FHIT: variants seen among roughly 807,000 people sequenced by gnomAD.
The protein encoded by FHIT is fragile histidine triad diadenosine triphosphatase, also known as bis(5'-adenosyl)-triphosphatase.
A neutral mutation model predicts 17.9 loss-of-function variants in FHIT; 19 were observed. The ratio of observed to expected loss-of-function variants is 1.06; its 90% CI spans 0.74 to 1.56. FHIT has a LOEUF of 1.56. Ranked by LOEUF, FHIT falls within the 40% of genes most tolerant of loss-of-function variation. FHIT has a pLI of 0.00. For missense variants in FHIT, 248 were observed against 189.2 expected (o/e 1.31, Z -1.82); for synonymous variants, 81 against 69.7 (o/e 1.16, Z -0.81).
chr3:61,047,713 G>A lies in FHIT; in HGVS notation c.-163-5614C>T, dbSNP rs191741166. ...AAAAGAACAAAGCTGGAGCCATCAC[G>A]CTACCTGACTTCAAACTATACCACA... On this transcript the variant is annotated intron_variant, in intron 2 of 9. Coordinates refer to ENST00000492590, the MANE Select transcript of FHIT (RefSeq NM_002012.4). Among the ~76,000 whole-genome samples the A allele has an allele frequency of 9.5e-4, 144 of 152,204 alleles. 1 individual carries two copies. Among genetic ancestry groups the A allele is most frequent in the African/African-American group, 3.3e-3 (139 of 41,522 alleles).
chr3:61,043,467 G>A (rs560707289), intron 2 of FHIT, among the ~76,000 whole-genome samples: 1 of 152,208 alleles, frequency 6.6e-6, no homozygotes, highest in Non-Finnish European at 1.5e-5. Context: ...GGAAAACAAA[G>A]AGGCCCAGAA....
chr3:61,135,879 A>C (rs962739659), intron 2 of FHIT, among the ~76,000 whole-genome samples: 8 of 152,210 alleles, frequency 5.3e-5, no homozygotes, highest in Non-Finnish European at 1.2e-4. Flanking sequence ...CCAAAAGCAC[A>C]GAGCTAGTTG....
At chr3:61,062,557 G>A (rs547576098) in intron 2 of FHIT, among the ~76,000 whole-genome samples, 3 of 152,096 alleles carry the variant, frequency 2.0e-5, no homozygotes, top group Non-Finnish European at 2.9e-5. Flanking sequence ...AGAGTTTTTG[G>A]TATGGAAACT....
At chr3:61,207,015 G>C (rs1034090556) in intron 1 of FHIT, among the ~76,000 whole-genome samples, 1 of 152,160 alleles carries the variant, frequency 6.6e-6, no homozygotes, top group African/African-American at 2.4e-5. Flanking sequence ...TTTATTGAGA[G>C]TTTTTAGCAT....
At chr3:61,037,728 CAT>C (rs1434048732) in intron 3 of FHIT, among the ~76,000 whole-genome samples, 1 of 152,196 alleles carries the variant, frequency 6.6e-6, no homozygotes, top group Non-Finnish European at 1.5e-5. Flanking sequence ...TTCCCTCACT[CAT>C]GTGTGCATGT....
chr3:59,962,542 T>C (rs1707735934), intron 7 of FHIT, among the ~76,000 whole-genome samples: 1 of 152,224 alleles, frequency 6.6e-6, no homozygotes, highest in Non-Finnish European at 1.5e-5. Flanking sequence ...TTAGGAAAGA[T>C]AAATTATTAT....
chr3:60,384,955 T>C (rs1365617016), intron 5 of FHIT, among the ~76,000 whole-genome samples: 3 of 152,180 alleles, frequency 2.0e-5, no homozygotes, highest in Admixed American at 2.0e-4. Context: ...AATATGTTCA[T>C]TTTGTTCTAA....
At chr3:60,681,328 A>G (rs370176819) in intron 4 of FHIT, among the ~76,000 whole-genome samples, 3 of 152,154 alleles carry the variant, frequency 2.0e-5, no homozygotes, top group Non-Finnish European at 2.9e-5. Context: ...TTATCAGTAA[A>G]TGTTTGTGTG....
intron 8 of FHIT, among the ~76,000 whole-genome samples, chr3:59,794,199 T>C (rs1185399255): frequency 1.3e-5 from 2 of 152,246 alleles, no homozygotes; most frequent in African/African-American, 2.4e-5. Context: ...GAACGTACCG[T>C]TGTCAGAACT....
chr3:60,002,962 C>T (rs948265080), intron 7 of FHIT, among the ~76,000 whole-genome samples: 2 of 151,970 alleles, frequency 1.3e-5, no homozygotes, highest in Non-Finnish European at 2.9e-5. Flanking sequence ...CTTCATGGGC[C>T]CCACCCTCAG....
intron 5 of FHIT, among the ~76,000 whole-genome samples, chr3:60,406,092 G>A (rs1701846613): frequency 6.6e-6 from 1 of 152,114 alleles, no homozygotes; most frequent in Admixed American, 6.5e-5. Context: ...TAATATGGAG[G>A]TATCAGGTAC....
intron 4 of FHIT, among the ~76,000 whole-genome samples, chr3:60,633,413 C>A (rs1553682935): frequency 6.6e-6 from 1 of 152,106 alleles, no homozygotes; most frequent in East Asian, 1.9e-4. Context: ...ACAGTAAACA[C>A]ACAATAAGTA....
At chr3:60,066,005 T>TA (rs1485914534) in intron 5 of FHIT, among the ~76,000 whole-genome samples, 1 of 152,162 alleles carries the variant, frequency 6.6e-6, no homozygotes, top group Non-Finnish European at 1.5e-5. Flanking sequence ...GTCTTCTTGT[T>TA]ACCAAAGAAA....
chr3:60,399,470 T>C (rs994526461), intron 5 of FHIT, among the ~76,000 whole-genome samples: 9 of 152,116 alleles, frequency 5.9e-5, no homozygotes, highest in African/African-American at 2.2e-4. Flanking sequence ...CGGACTGCAA[T>C]CTGATCTCAA....
intron 8 of FHIT, among the ~76,000 whole-genome samples, chr3:59,796,393 C>T (rs1408653379): frequency 4.6e-5 from 7 of 152,124 alleles, no homozygotes; most frequent in South Asian, 4.1e-4. Flanking sequence ...TCCTCCTTTG[C>T]CTGTGACACT....
chr3:60,084,573 T>A (rs1177922246), intron 5 of FHIT, among the ~76,000 whole-genome samples: 1 of 152,178 alleles, frequency 6.6e-6, no homozygotes, highest in Non-Finnish European at 1.5e-5. Context: ...TCTTTATTAA[T>A]ATATTTATTG....
intron 5 of FHIT, among the ~76,000 whole-genome samples, chr3:60,478,706 C>T (rs1206431714): frequency 6.6e-6 from 1 of 152,200 alleles, no homozygotes; most frequent in Non-Finnish European, 1.5e-5. Flanking sequence ...ATATTGCATG[C>T]TGCTTCACTT....
At chr3:60,910,516 A>G (rs1706687413) in intron 3 of FHIT, among the ~76,000 whole-genome samples, 2 of 147,420 alleles carry the variant, frequency 1.4e-5, no homozygotes, top group South Asian at 4.2e-4. Context: ...GGTTCATGCC[A>G]TTCTTCTGCC....
At chr3:60,833,846 T>C (rs1342159642) in intron 3 of FHIT, among the ~76,000 whole-genome samples, 2 of 152,248 alleles carry the variant, frequency 1.3e-5, no homozygotes, top group South Asian at 2.1e-4. Flanking sequence ...TCCATTTATA[T>C]AATTTTTTCA....
Sources: gnomAD v4.1 joint callset for allele counts (sites outside exome capture counted in the v4.1 genomes callset) on GRCh38, gnomAD v4.1.1 for gene constraint, MANE v1.5 for transcripts, NCBI Gene and HGNC (gene_info 2026-07-23, HGNC 2026-07-21) for gene names.